The following SMC2 variants were observed in gnomAD, a reference collection of about 807,000 sequenced individuals.
SMC2 encodes the protein structural maintenance of chromosomes 2.
Under a neutral mutation model 142.6 loss-of-function variants are expected in SMC2, and 41 were observed. That is an observed-to-expected ratio of 0.29 (90% CI 0.22 to 0.37). SMC2 has a LOEUF of 0.37. SMC2 is among the 10% of genes least tolerant of loss of function. The pLI is 1.00. For missense variants in SMC2, 1,265 were observed against 1,373.7 expected, an observed-to-expected ratio of 0.92 and a Z score of 1.25; for synonymous variants, 463 against 457.5, an observed-to-expected ratio of 1.01 and a Z score of -0.15.
At chr9:104,099,780 A>G (rs540185008) in intron 5 of SMC2, 98 bp downstream of exon 5, 5 of 782,454 alleles carry the variant, frequency 6.4e-6, no homozygotes, top group South Asian at 5.0e-5. Context: ...TTTTGGAGAC[A>G]TTATTTGGGA....
intron 10 of SMC2, among the ~76,000 whole-genome samples, chr9:104,112,418 G>A (rs1030706346): frequency 6.6e-6 from 1 of 152,106 alleles, no homozygotes; most frequent in Non-Finnish European, 1.5e-5. Flanking sequence ...TAAGAATTTT[G>A]CTAGCAGAAA....
intron 24 of SMC2, 51 bp downstream of exon 24, chr9:104,138,216 C>T (rs1323335745): frequency 2.1e-6 from 3 of 1,441,436 alleles, no homozygotes; most frequent in Non-Finnish European, 2.8e-6. Context: ...GACTATTTTT[C>T]TAAAACCATT....
intron 20 of SMC2, 56 bp from the exon 21 acceptor site, chr9:104,129,589 T>C (rs1175271160): frequency 2.3e-6 from 3 of 1,318,584 alleles, no homozygotes; most frequent in African/African-American, 2.9e-5. Flanking sequence ...AACTGGCTTA[T>C]ACATATTGGT....
chr9:104,102,443 G>A lies in SMC2; in HGVS notation c.890G>A (p.Arg297Gln), dbSNP rs1258350155. 1.9e-6 allele frequency: 3 copies of A among 1,608,136 alleles called. No homozygotes were observed. Among genetic ancestry groups the A allele is most frequent in the Admixed American group, 1.7e-5 (1 of 58,572 alleles). ...TTATAGGAAACTGGAGGTATACTTCGATCTTTAGAAGATGCTCTTGCAGAG... is the reference window on the plus strand; with the variant it reads ...TTATAGGAAACTGGAGGTATACTTCAATCTTTAGAAGATGCTCTTGCAGAG... ...RKDKETGGIL[R>Q]SLEDALAEAQ... Residue 297 changes from arginine (R) to glutamine (Q), a missense_variant, in exon 9 of 25, where the codon CGA (arginine) becomes CAA (glutamine). Around this residue, in one of 4 missense-constraint regions of SMC2, gnomAD observed 898 missense variants for 904.2 expected, o/e 0.99. Transcript: ENST00000374793.
At chr9:104,109,052 A>G (rs778274850) in intron 9 of SMC2, among the ~76,000 whole-genome samples, 1 of 152,194 alleles carries the variant, frequency 6.6e-6, no homozygotes, top group Non-Finnish European at 1.5e-5. Context: ...TTCTACAGCT[A>G]TTCTTCAACT....
chr9:104,130,418 A>G (rs531342864), intron 21 of SMC2, among the ~76,000 whole-genome samples: 4 of 152,216 alleles, frequency 2.6e-5, no homozygotes, highest in African/African-American at 7.2e-5. Flanking sequence ...TACTCTTAAG[A>G]TAGCCATAAG....
At chr9:104,108,451 A>G (rs80132557) in intron 9 of SMC2, among the ~76,000 whole-genome samples, 8,606 of 152,168 alleles carry the variant, frequency 0.057, 646 homozygotes, top group African/African-American at 0.18. Context: ...CTCCTTTTCT[A>G]TGAAGGTCTG....
chr9:104,135,210 C>CAGGTGATGCAAGTAGGAG (rs1554708818), intron 23 of SMC2, among the ~76,000 whole-genome samples: 3 of 151,058 alleles, frequency 2.0e-5, no homozygotes, highest in Non-Finnish European at 3.0e-5. Flanking sequence ...TCTGAAATGA[C>CAGGTGATGCAAGTAGGAG]AGATGATGCA....
Position 104,139,122 on chromosome 9 carries a change from TTTC to T in SMC2, c.3418-14_3418-12del. 4 of 1,533,702 alleles carry T rather than the reference TTTC, an allele frequency of 2.6e-6. No individual in the cohort carries two copies. Among genetic ancestry groups the T allele is most frequent in the Non-Finnish European group, 3.5e-6 (4 of 1,149,688 alleles). On this transcript the variant is annotated splice_polypyrimidine_tract_variant and intron_variant, in intron 24 of 24. Coordinates refer to ENST00000374793, the MANE Select transcript of SMC2 (RefSeq NM_006444.3). Reference sequence around the variant, plus strand: ...ATCACAAAAAGTTTTTTTATACTTTTTTCTTTTTTCCTTAAGTTCATTGTGGTG... The same window carrying T: ...ATCACAAAAAGTTTTTTTATACTTTTTTTTTTCCTTAAGTTCATTGTGGTG...
At chr9:104,125,489 A>T (rs1367543633) in intron 18 of SMC2, among the ~76,000 whole-genome samples, 1 of 152,148 alleles carries the variant, frequency 6.6e-6, no homozygotes, top group Non-Finnish European at 1.5e-5. Context: ...TTTTTCTCTG[A>T]AAACCCTGCA....
chr9:104,106,413 A>G (rs1323537083), intron 9 of SMC2, among the ~76,000 whole-genome samples: 1 of 151,664 alleles, frequency 6.6e-6, no homozygotes, highest in Non-Finnish European at 1.5e-5. Flanking sequence ...TTTGAGACGG[A>G]GTTTCACTCT....
the SMC2 span, among the ~76,000 whole-genome samples, chr9:104,088,918 C>G: frequency 6.6e-6 from 1 of 151,840 alleles, no homozygotes; most frequent in Non-Finnish European, 1.5e-5. Flanking sequence ...ATACATCTAT[C>G]CACCAACAAA....
chr9:104,135,792 A>G (rs1212457156), intron 23 of SMC2: 3 of 516,770 alleles, frequency 5.8e-6, no homozygotes, highest in South Asian at 2.8e-5. Flanking sequence ...TAAAGTGCTG[A>G]AAGTATATGT....
At chr9:104,106,931 C>A (rs1484168973) in intron 9 of SMC2, among the ~76,000 whole-genome samples, 1 of 152,132 alleles carries the variant, frequency 6.6e-6, no homozygotes, top group Non-Finnish European at 1.5e-5. Flanking sequence ...AAGAGGATCC[C>A]TCCTGTTTTG....
intron 7 of SMC2, 43 bp from the exon 8 acceptor site, chr9:104,101,917 A>T (rs777970431): frequency 2.4e-6 from 3 of 1,226,678 alleles, no homozygotes; most frequent in Non-Finnish European, 3.5e-6. Context: ...TTTTTTTTTT[A>T]ATACAATTTT....
In SMC2 at chr9:104,139,451, C is replaced by T. The variant is rs552307363; in HGVS notation, c.*136C>T. The T allele has an allele frequency of 8.5e-5, 53 of 626,572 alleles. No individual in the cohort carries two copies. The highest frequency in any genetic ancestry group is 5.6e-4 in the Admixed American group (14 of 24,850). 38.8% of individuals were successfully genotyped at this position (626,572 alleles called of 1,614,324 possible). A position where few individuals can be genotyped will look rare whatever the true frequency, so the allele number is the denominator to read the frequency against. ...CCCATGTTTTCTCTTTATATAATCA[C>T]TTATCGCTTACAAATGAGCATATAT... On this transcript the variant is annotated 3_prime_UTR_variant, in exon 25 of 25. Coordinates refer to ENST00000374793, the MANE Select transcript of SMC2 (RefSeq NM_006444.3).
chr9:104,107,041 GGTTT>G (rs1004469658), intron 9 of SMC2, among the ~76,000 whole-genome samples: 53 of 152,316 alleles, frequency 3.5e-4, no homozygotes, highest in Middle Eastern at 3.4e-3. Flanking sequence ...CATCCCCTGT[GGTTT>G]GTTTGGACCC....
At chr9:104,112,996 G>T (rs7854630) in intron 10 of SMC2, among the ~76,000 whole-genome samples, 86,894 of 151,838 alleles carry the variant, frequency 0.57, 25,909 homozygotes, top group African/African-American at 0.68. Context: ...GATTTCTAGC[G>T]TTCTTTTTTT....
chr9:104,105,194 C>T (rs1195644836), intron 9 of SMC2, among the ~76,000 whole-genome samples: 1 of 152,218 alleles, frequency 6.6e-6, no homozygotes, highest in East Asian at 1.9e-4. Flanking sequence ...AACCCAGAGT[C>T]AGTAAAACCT....
Sources: gnomAD v4.1 joint callset for allele counts (sites outside exome capture counted in the v4.1 genomes callset) on GRCh38, gnomAD v4.1.1 for gene constraint, gnomAD v4.1.1 regional missense constraint, MANE v1.5 for transcripts, NCBI Gene and HGNC (gene_info 2026-07-23, HGNC 2026-07-21) for gene names.